PPP2R5E: variants seen among roughly 807,000 people sequenced by gnomAD.
PPP2R5E encodes serine/threonine-protein phosphatase 2A 56 kDa regulatory subunit epsilon isoform.
PPP2R5E carries 4 observed loss-of-function variants against 65.3 expected under a neutral mutation model. The observed-to-expected ratio is 0.06, with a 90% confidence interval of 0.03 to 0.14. The LOEUF is 0.14. Among genes scored for constraint, PPP2R5E ranks in the 10% least tolerant of loss-of-function variants. The pLI is 1.00. For synonymous variants in PPP2R5E, 183 were observed against 187.4 expected, an observed-to-expected ratio of 0.98 and a Z score of 0.19; for missense variants, 274 against 556.1, an observed-to-expected ratio of 0.49 and a Z score of 5.10.
intron 2 of PPP2R5E, among the ~76,000 whole-genome samples, chr14:63,519,903 G>A (rs897575233): frequency 1.0e-4 from 15 of 150,732 alleles, no homozygotes; most frequent in African/African-American, 2.4e-4. Context: ...CTCGTGATCC[G>A]CCCGCCTCGG....
intron 3 of PPP2R5E, among the ~76,000 whole-genome samples, chr14:63,429,095 T>C (rs577304667): frequency 6.6e-6 from 1 of 152,298 alleles, no homozygotes; most frequent in East Asian, 1.9e-4. Flanking sequence ...TTGTTAAGAT[T>C]TGAGGCTCTG....
intron 2 of PPP2R5E, among the ~76,000 whole-genome samples, chr14:63,464,207 T>C (rs1333126299): frequency 6.6e-6 from 1 of 152,144 alleles, no homozygotes; most frequent in East Asian, 1.9e-4. Context: ...ACAAAAGTCC[T>C]GAGCTTTACA....
intron 2 of PPP2R5E, among the ~76,000 whole-genome samples, chr14:63,488,804 G>A (rs974758464): frequency 5.3e-5 from 8 of 151,718 alleles, no homozygotes; most frequent in South Asian, 2.1e-4. Flanking sequence ...AGCCAAGATC[G>A]CACCACTGTA....
chr14:63,515,851 CT>C (rs1270658455), intron 2 of PPP2R5E, among the ~76,000 whole-genome samples: 1,779 of 136,468 alleles, frequency 0.013, 23 homozygotes, highest in African/African-American at 0.04. Flanking sequence ...TTTTATTTTA[CT>C]TTTTTTTTTT....
At chr14:63,508,698 A>T (rs2139691992) in intron 2 of PPP2R5E, among the ~76,000 whole-genome samples, 1 of 152,290 alleles carries the variant, frequency 6.6e-6, no homozygotes, top group East Asian at 1.9e-4. Context: ...CTCTCGTAAG[A>T]AGCCAGAGTC....
intron 3 of PPP2R5E, chr14:63,451,153 A>G (rs1015203696): frequency 1.3e-5 from 2 of 152,184 alleles, no homozygotes; most frequent in African/African-American, 4.8e-5. Flanking sequence ...GTAAATGCAA[A>G]TTAAAAAAAA....
At chr14:63,489,095 G>A (rs931238850) in intron 2 of PPP2R5E, among the ~76,000 whole-genome samples, 4 of 151,872 alleles carry the variant, frequency 2.6e-5, no homozygotes, top group African/African-American at 4.8e-5. Flanking sequence ...CCAGGTCTTC[G>A]AACCTCTTTA....
At chr14:63,517,170 T>C (rs1376739716) in intron 2 of PPP2R5E, among the ~76,000 whole-genome samples, 1 of 152,140 alleles carries the variant, frequency 6.6e-6, no homozygotes, top group East Asian at 1.9e-4. Flanking sequence ...GGTGAAATTA[T>C]GTTATGACAG....
At chr14:63,498,841 T>G (rs1292285466) in intron 2 of PPP2R5E, among the ~76,000 whole-genome samples, 1 of 151,912 alleles carries the variant, frequency 6.6e-6, no homozygotes, top group Non-Finnish European at 1.5e-5. Context: ...TTCATATACC[T>G]CTCCAGCATT....
At chr14:63,523,591 C>T (rs559077814) in intron 2 of PPP2R5E, among the ~76,000 whole-genome samples, 11 of 150,354 alleles carry the variant, frequency 7.3e-5, no homozygotes, top group Non-Finnish European at 1.0e-4. Flanking sequence ...CAGGGTCCTC[C>T]GCCTAGGAAA....
chr14:63,536,663 T>C (rs112716806), intron 2 of PPP2R5E, among the ~76,000 whole-genome samples: 1 of 152,190 alleles, frequency 6.6e-6, no homozygotes, highest in Non-Finnish European at 1.5e-5. Flanking sequence ...GTATATGGTA[T>C]GTATATACAC....
chr14:63,378,576 G>A (rs183005454), intron 13 of PPP2R5E, among the ~76,000 whole-genome samples: 7 of 152,014 alleles, frequency 4.6e-5, no homozygotes, highest in Non-Finnish European at 7.4e-5. Context: ...GTTATCACAC[G>A]GCTTTCATAC....
chr14:63,375,070 C>T lies in PPP2R5E; in HGVS notation c.*939G>A, dbSNP rs1467840985. 6.6e-6 allele frequency: 1 copy of T among 152,548 alleles called. No individual in the cohort carries two copies. Among genetic ancestry groups the T allele is most frequent in the Non-Finnish European group, 1.5e-5 (1 of 68,000 alleles). The allele number at this position is 152,548 out of a possible 1,614,324, so 9.4% of individuals were successfully genotyped here. On this transcript the variant is annotated 3_prime_UTR_variant, in exon 14 of 14. Coordinates refer to ENST00000337537, the MANE Select transcript of PPP2R5E (RefSeq NM_006246.5). ...CAAACAGTCCAAGCTGTTTGCTCAA[C>T]TCTTTTCCCAATTAGATTTGCAATC...
chr14:63,388,112 CTTTT>C (rs779677887), intron 11 of PPP2R5E, among the ~76,000 whole-genome samples: 5 of 137,436 alleles, frequency 3.6e-5, no homozygotes, highest in Non-Finnish European at 7.8e-5. Flanking sequence ...TGGTGATGCT[CTTTT>C]TTTTTTTTTC....
rs190242241 is a variant in PPP2R5E, at chr14:63,392,928, T to A, written c.849+892A>T. 5.9e-4 allele frequency among the ~76,000 whole-genome samples: 90 copies of A among 152,240 alleles called. 1 individual carries two copies. Among genetic ancestry groups the A allele is most frequent in the Non-Finnish European group, 1.8e-4 (12 of 68,020 alleles). On this transcript the variant is annotated intron_variant, in intron 8 of 13. Coordinates refer to ENST00000337537, the MANE Select transcript of PPP2R5E (RefSeq NM_006246.5). Reference sequence around the variant, plus strand: ...TCTACCCCCAGTGACATGGTGACCATGCAAGGCAGTGTTAGCACAAAAATT... The same window carrying A: ...TCTACCCCCAGTGACATGGTGACCAAGCAAGGCAGTGTTAGCACAAAAATT...
chr14:63,426,794 GTTTAACTGTACAGT>G (rs1004154053), intron 3 of PPP2R5E, among the ~76,000 whole-genome samples: 21 of 151,486 alleles, frequency 1.4e-4, no homozygotes, highest in African/African-American at 5.1e-4. Context: ...GAATGAACCA[GTTTAACTGTACAGT>G]TGAGCTCCAA....
At chr14:63,392,994 A>T (rs1885109803) in intron 8 of PPP2R5E, among the ~76,000 whole-genome samples, 1 of 152,174 alleles carries the variant, frequency 6.6e-6, no homozygotes, top group Non-Finnish European at 1.5e-5. Context: ...AAAGTGATGA[A>T]GGCTTAAAGG....
intron 10 of PPP2R5E, among the ~76,000 whole-genome samples, chr14:63,391,458 T>C (rs1330890266): frequency 6.6e-6 from 1 of 151,826 alleles, no homozygotes; most frequent in Non-Finnish European, 1.5e-5. Flanking sequence ...AGTTCACTCT[T>C]GTTGCCCAGG....
chr14:63,541,696 C>T (rs1040803340), intron 1 of PPP2R5E, among the ~76,000 whole-genome samples: 1 of 151,824 alleles, frequency 6.6e-6, no homozygotes, highest in Non-Finnish European at 1.5e-5. Context: ...TTCCTGAACA[C>T]GTGAGAATAA....
Sources: allele counts gnomAD v4.1 joint callset (sites outside exome capture counted in the v4.1 genomes callset), GRCh38; gene constraint gnomAD v4.1.1; transcripts MANE v1.5; gene names NCBI Gene and HGNC (gene_info 2026-07-23, HGNC 2026-07-21).